PDE9A: variants seen among roughly 807,000 people sequenced by gnomAD.
PDE9A encodes high affinity cGMP-specific 3',5'-cyclic phosphodiesterase 9A.
In PDE9A, 60 loss-of-function variants were observed where a neutral mutation model predicts 87.4. The ratio of observed to expected loss-of-function variants is 0.69; its 90% CI spans 0.56 to 0.85. PDE9A has a LOEUF of 0.85. Ranked by LOEUF, PDE9A falls within the 40% of genes least tolerant of loss-of-function variation. The probability of loss-of-function intolerance (pLI) is 0.00; values close to 1 mark genes in which losing one functional copy is unlikely to be tolerated. For missense variants in PDE9A, 665 were observed against 779.0 expected, an observed-to-expected ratio of 0.85 and a Z score of 1.74; for synonymous variants, 272 against 279.4, an observed-to-expected ratio of 0.97 and a Z score of 0.27.
chr21:42,759,014 G>C lies in PDE9A; in HGVS notation c.826G>C (p.Glu276Gln), dbSNP rs762149869. 2 of 1,613,936 alleles carry C rather than the reference G, an allele frequency of 1.2e-6. No homozygotes were observed. Among genetic ancestry groups the C allele is most frequent in the South Asian group, 2.2e-5 (2 of 91,074 alleles). The stretch of plus-strand genomic sequence containing the variant: ...GTGCCCACAGATGCTGAGCTGCCTG[G>C]AGCACATGTACCACGACCTCGGGCT... ...WEPNEMLSCL[E>Q]HMYHDLGLVR... is the part of the protein sequence containing the mutation. The change falls in exon 11 of 20, where the codon GAG becomes CAG. Residue 276 changes from glutamate (E) to glutamine (Q), a missense_variant. Glu to Gln is a conservative substitution (Grantham distance 29, BLOSUM62 2). Transcript: ENST00000291539. The surrounding 1 kb of genome is among the most constrained non-coding windows in gnomAD (Gnocchi z 7.2).
intron 17 of PDE9A, among the ~76,000 whole-genome samples, chr21:42,769,678 ACACAGG>A (rs1445393250): frequency 2.4e-4 from 35 of 146,476 alleles, no homozygotes; most frequent in East Asian, 3.9e-4. Context: ...ACAAATGCAC[ACACAGG>A]CACACACATA....
rs2059909283 is a variant in PDE9A at position 42,692,595 on chromosome 21, G to GAATCTTTCTGCAGCAGAAAGCC, written c.218+4603_218+4624dup. Among the ~76,000 whole-genome samples the GAATCTTTCTGCAGCAGAAAGCC allele has an allele frequency of 6.6e-6, 1 of 152,154 alleles. No individual in the cohort carries two copies. The highest frequency in any genetic ancestry group is 1.5e-5 in the Non-Finnish European group (1 of 68,022). Reference sequence around the variant, plus strand: ...GGTTTGTGACGGAGGTGGGCCCCGAGAATCTTTCTGCAGCAGAAAGCCAGG... The same window carrying GAATCTTTCTGCAGCAGAAAGCC: ...GGTTTGTGACGGAGGTGGGCCCCGAGAATCTTTCTGCAGCAGAAAGCCAATCTTTCTGCAGCAGAAAGCCAGG... On this transcript the variant is annotated intron_variant, in intron 3 of 19. Coordinates refer to ENST00000291539, the MANE Select transcript of PDE9A (RefSeq NM_002606.3). This position sits in a 1 kb window ranked among gnomAD's most constrained non-coding sequence, Gnocchi z 4.3.
Position 42,675,095 on chromosome 21 carries a change from G to A in PDE9A, c.70-11097G>A, listed in dbSNP as rs1404502923. 1.3e-5 allele frequency among the ~76,000 whole-genome samples: 2 copies of A among 152,236 alleles called. No individual in the cohort carries two copies. Among genetic ancestry groups the A allele is most frequent in the Admixed American group, 1.3e-4 (2 of 15,288 alleles). On this transcript the variant is annotated intron_variant, in intron 1 of 19. Transcript: ENST00000291539. This position sits in a 1 kb window ranked among gnomAD's most constrained non-coding sequence, Gnocchi z 4.3. ...TGCTGGCGTTCTCACACAGGTGTGC[G>A]TTTAGGAGTGTGTAAGTGCGTGTAA...
chr21:42,656,760 G>A (rs59296065), intron 1 of PDE9A, among the ~76,000 whole-genome samples: 7,646 of 152,036 alleles, frequency 0.05, 630 homozygotes, highest in African/African-American at 0.17. Flanking sequence ...GAAGTGAGTC[G>A]GAGGTTGCCT....
chr21:42,764,040 T>C (rs2056103450), intron 14 of PDE9A, among the ~76,000 whole-genome samples: 1 of 152,238 alleles, frequency 6.6e-6, no homozygotes, highest in Non-Finnish European at 1.5e-5. Flanking sequence ...TTCATTGGGA[T>C]GCTGTGGTCA....
At chr21:42,663,670 T>A (rs1176941929) in intron 1 of PDE9A, among the ~76,000 whole-genome samples, 1 of 152,120 alleles carries the variant, frequency 6.6e-6, no homozygotes, top group Non-Finnish European at 1.5e-5. Context: ...TGATGTGCCG[T>A]CACTTGCAGC....
In PDE9A at chr21:42,660,977, A is replaced by C. The variant is rs1476422004; in HGVS notation, c.69+7094A>C. Reference sequence around the variant, plus strand: ...CAGTACCCCTGAAAACTCGGTCTAGAAACAACTAAAAGAAGAACCACAGCA... The same window carrying C: ...CAGTACCCCTGAAAACTCGGTCTAGCAACAACTAAAAGAAGAACCACAGCA... On this transcript the variant is annotated intron_variant, in intron 1 of 19. Coordinates refer to ENST00000291539, the MANE Select transcript of PDE9A (RefSeq NM_002606.3). The surrounding 1 kb of genome is among the most constrained non-coding windows in gnomAD (Gnocchi z 4.7). Among the ~76,000 whole-genome samples, 2 of 152,216 alleles carry C rather than the reference A, an allele frequency of 1.3e-5. No homozygotes were observed. The highest frequency in any genetic ancestry group is 2.9e-5 in the Non-Finnish European group (2 of 68,014).
intron 1 of PDE9A, among the ~76,000 whole-genome samples, chr21:42,666,746 A>G (rs1477658109): frequency 6.6e-6 from 1 of 152,196 alleles, no homozygotes; most frequent in Non-Finnish European, 1.5e-5. Flanking sequence ...AAATAAGGTC[A>G]TATCGTGAAG....
intron 8 of PDE9A, among the ~76,000 whole-genome samples, chr21:42,747,536 G>A (rs2053990498): frequency 6.6e-6 from 1 of 152,266 alleles, no homozygotes; most frequent in Admixed American, 6.5e-5. Flanking sequence ...CTGCCCCTTG[G>A]GAACAGCAGT....
At position 42,739,163 on chromosome 21, in the gene PDE9A, C is replaced by T. The variant is rs111867683; in HGVS notation, c.569-4613C>T. Among the ~76,000 whole-genome samples, 200 of 152,300 alleles carry T rather than the reference C, an allele frequency of 1.3e-3. No homozygotes were observed. Among genetic ancestry groups the T allele is most frequent in the African/African-American group, 4.4e-3 (184 of 41,564 alleles). ...GGAGCCTCTGCTTTGGTTTGTGGTG[C>T]GTGGTCTGTGCCCGCCTGTGTTCAG... On this transcript the variant is annotated intron_variant, in intron 7 of 19. Coordinates refer to ENST00000291539, the MANE Select transcript of PDE9A (RefSeq NM_002606.3). The surrounding 1 kb of genome is among the most constrained non-coding windows in gnomAD (Gnocchi z 4.1).
At chr21:42,686,831 TA>T (rs1267514202) in intron 2 of PDE9A, among the ~76,000 whole-genome samples, 1 of 151,882 alleles carries the variant, frequency 6.6e-6, no homozygotes, top group South Asian at 2.1e-4. Context: ...AATAAATAAA[TA>T]AAAAAGAGTG....
intron 4 of PDE9A, among the ~76,000 whole-genome samples, chr21:42,716,660 T>C (rs922347362): frequency 6.7e-6 from 1 of 150,202 alleles, no homozygotes; most frequent in African/African-American, 2.5e-5. Flanking sequence ...GTCTACTTAC[T>C]CCCCTCTCCC....
intron 1 of PDE9A, among the ~76,000 whole-genome samples, chr21:42,676,623 T>C (rs542926149): frequency 3.5e-4 from 54 of 152,344 alleles, no homozygotes; most frequent in African/African-American, 1.3e-3. Context: ...CTGAGCCGTG[T>C]TCCATGTTGT....
intron 4 of PDE9A, among the ~76,000 whole-genome samples, chr21:42,726,982 G>A (rs2040974378): frequency 6.7e-6 from 1 of 148,884 alleles, no homozygotes; most frequent in Admixed American, 6.7e-5. Context: ...AATAAGATAG[G>A]CTGATTCCTC....
At chr21:42,773,031 T>C (rs2057156145) in intron 19 of PDE9A, among the ~76,000 whole-genome samples, 1 of 147,728 alleles carries the variant, frequency 6.8e-6, no homozygotes, top group Non-Finnish European at 1.5e-5. Context: ...GAGGCCAAGG[T>C]GGGCGGATCA....
Position 42,763,127 on chromosome 21 carries a change from C to T in PDE9A, c.1242+888C>T, listed in dbSNP as rs77244453. On this transcript the variant is annotated intron_variant, in intron 14 of 19. Coordinates refer to ENST00000291539, the MANE Select transcript of PDE9A (RefSeq NM_002606.3). ...AAACACCTCCAGCTCACCGAAATAA[C>T]GCCCCATTCCACACGGGAATTCCTC... Among the ~76,000 whole-genome samples, 627 of 152,248 alleles carry T rather than the reference C, an allele frequency of 4.1e-3. 3 individuals carry two copies. Among genetic ancestry groups the T allele is most frequent in the Middle Eastern group, 0.024 (7 of 294 alleles).
At position 42,759,081 on chromosome 21, in the gene PDE9A, G is replaced by A; in HGVS notation, c.893G>A (p.Trp298Ter). The change falls in exon 11 of 20, where the codon TGG (tryptophan) becomes TAG (stop). Residue 298 changes from tryptophan to a stop codon, truncating the protein, a stop_gained. Coordinates refer to ENST00000291539, the MANE Select transcript of PDE9A (RefSeq NM_002606.3). LOFTEE classifies it high-confidence loss of function. This position sits in a 1 kb window ranked among gnomAD's most constrained non-coding sequence, Gnocchi z 7.2. ...ATCAACCCTGTCACCCTCAGGAGGT[G>A]GCTGGTGAGTGCCAAACCCGCCTTC... Reference protein sequence around the residue: ...FSINPVTLRRWLFCVHDNYRN... With the variant: ...FSINPVTLRR 6.2e-7 allele frequency: 1 copy of A among 1,612,916 alleles called. No homozygotes were observed. The highest frequency in any genetic ancestry group is 1.1e-5 in the South Asian group (1 of 91,054).
Position 42,702,326 on chromosome 21 carries a change from G to A in PDE9A, c.262+3315G>A, listed in dbSNP as rs371147957. On this transcript the variant is annotated intron_variant, in intron 4 of 19. Coordinates refer to ENST00000291539, the MANE Select transcript of PDE9A (RefSeq NM_002606.3). This position sits in a 1 kb window ranked among gnomAD's most constrained non-coding sequence, Gnocchi z 4.9. Reference sequence around the variant, plus strand: ...AGGAATTATGTTTCCCTCCTTTTTCGTATCTCCCATTTTTACATCTCCCAT... The same window carrying A: ...AGGAATTATGTTTCCCTCCTTTTTCATATCTCCCATTTTTACATCTCCCAT... 6.0e-5 allele frequency among the ~76,000 whole-genome samples: 9 copies of A among 150,878 alleles called. No homozygotes were observed. Among genetic ancestry groups the A allele is most frequent in the Admixed American group, 4.0e-4 (6 of 15,126 alleles).
At chr21:42,668,879 T>G (rs1175285945) in intron 1 of PDE9A, among the ~76,000 whole-genome samples, 1 of 142,802 alleles carries the variant, frequency 7.0e-6, no homozygotes, top group East Asian at 2.2e-4. Context: ...CCCCACGGAT[T>G]ATCAGAGCTG....
Sources: allele counts gnomAD v4.1 joint callset (sites outside exome capture counted in the v4.1 genomes callset), GRCh38; gene constraint gnomAD v4.1.1; non-coding constraint Gnocchi (gnomAD v3.1); transcripts MANE v1.5; gene names NCBI Gene and HGNC (gene_info 2026-07-23, HGNC 2026-07-21).